MAP3K7CL: variants seen among roughly 807,000 people sequenced by gnomAD.
MAP3K7CL encodes the protein MAP3K7 C-terminal like.
MAP3K7CL carries 16 observed loss-of-function variants against 18.6 expected under a neutral mutation model. The ratio of observed to expected loss-of-function variants is 0.86; its 90% confidence interval spans 0.58 to 1.31. The LOEUF (loss-of-function observed/expected upper bound fraction) is 1.31. Ranked by LOEUF, MAP3K7CL falls within the 50% of genes most tolerant of loss-of-function variation. The pLI is 0.00. For synonymous variants in MAP3K7CL, 65 were observed against 66.8 expected, an observed-to-expected ratio of 0.97 and a Z score of 0.13; for missense variants, 163 against 174.4, an observed-to-expected ratio of 0.93 and a Z score of 0.37.
At chr21:29,166,085 G>C (rs566586984) in intron 4 of MAP3K7CL, among the ~76,000 whole-genome samples, 39 of 152,260 alleles carry the variant, frequency 2.6e-4, no homozygotes, top group African/African-American at 9.4e-4. Context: ...TACTGTGCAG[G>C]AGAACACCAG....
chr21:29,130,652 C>T lies in MAP3K7CL; in HGVS notation c.-311C>T. 3.0e-6 allele frequency: 3 copies of T among 985,432 alleles called. No homozygotes were observed. Among genetic ancestry groups the T allele is most frequent in the Non-Finnish European group, 2.4e-6 (2 of 829,970 alleles). 61.0% of individuals were successfully genotyped at this position (985,432 alleles called of 1,614,324 possible). On this transcript the variant is annotated 5_prime_UTR_variant, in exon 1 of 5. Coordinates refer to ENST00000399928, the MANE Select transcript of MAP3K7CL (RefSeq NM_001286620.2). Reference sequence around the variant, plus strand: ...GCTTTTTCTAGAAAGATGACAACATCCTGGCTGTTAGAGAGGCAAGGAAAG... The same window carrying T: ...GCTTTTTCTAGAAAGATGACAACATTCTGGCTGTTAGAGAGGCAAGGAAAG...
chr21:29,169,880 G>T (rs1260747984), intron 4 of MAP3K7CL, among the ~76,000 whole-genome samples: 1 of 152,162 alleles, frequency 6.6e-6, no homozygotes, highest in Non-Finnish European at 1.5e-5. Context: ...ATGAGCTATG[G>T]TGGACTCCAA....
Position 29,134,174 on chromosome 21 carries a change from A to ACTCT in MAP3K7CL, c.70+773_70+776dup, listed in dbSNP as rs34368831. The stretch of plus-strand genomic sequence containing the variant: ...CATTTAAACCTTGGGTCTTTTGAGG[A>ACTCT]CTCTCTCTCTCTCTCTTGCTATAAT... On this transcript the variant is annotated intron_variant, in intron 2 of 4. Coordinates refer to ENST00000399928, the MANE Select transcript of MAP3K7CL (RefSeq NM_001286620.2). Among the ~76,000 whole-genome samples the ACTCT allele has an allele frequency of 4.0e-5, 6 of 150,718 alleles. No individual in the cohort carries two copies. The South Asian group carries it at 8.4e-4, about 21-fold the overall frequency.
Position 29,090,251 on chromosome 21 carries a change from A to G in MAP3K7CL, c.58-1250A>G, listed in dbSNP as rs1242623484. 5.3e-5 allele frequency among the ~76,000 whole-genome samples: 8 copies of G among 152,212 alleles called. 1 individual carries two copies. The highest frequency in any genetic ancestry group is 2.0e-4 in the Admixed American group (3 of 15,282). On this transcript the variant is annotated intron_variant, in intron 1 of 6. Transcript: ENST00000286791. ...AAAAGAGGACACAATGTTTTATAAG[A>G]TTAAAAGAGATTATTCAATGAAAGA...
intron 3 of MAP3K7CL, among the ~76,000 whole-genome samples, 198 bp from the exon 4 acceptor site, chr21:29,159,743 C>T (rs954194613): frequency 5.3e-5 from 8 of 151,912 alleles, no homozygotes; most frequent in Admixed American, 2.0e-4. Flanking sequence ...AATGTGGAGA[C>T]TATCTGTCCA....
At chr21:29,108,898 A>G (rs995242845) in intron 4 of MAP3K7CL, 1 of 697,576 alleles carries the variant, frequency 1.4e-6, no homozygotes, top group Non-Finnish European at 2.3e-6. Flanking sequence ...GTGTTCAGTC[A>G]GCTCCAATGG....
chr21:29,097,011 G>A (rs2086134582), intron 4 of MAP3K7CL, among the ~76,000 whole-genome samples: 1 of 152,168 alleles, frequency 6.6e-6, no homozygotes, highest in Non-Finnish European at 1.5e-5. Context: ...AACTCTGATA[G>A]GAACTTGGAA....
intron 1 of MAP3K7CL, among the ~76,000 whole-genome samples, chr21:29,088,357 A>G (rs935185877): frequency 2.0e-5 from 3 of 152,252 alleles, no homozygotes; most frequent in Admixed American, 1.3e-4. Flanking sequence ...ATTTTAAAAT[A>G]TATAATCTGT....
chr21:29,092,981 G>A (rs1046402241), intron 4 of MAP3K7CL, among the ~76,000 whole-genome samples: 32 of 152,146 alleles, frequency 2.1e-4, no homozygotes, highest in African/African-American at 7.5e-4. Context: ...TCAGCTCACT[G>A]CCACCTCCAC....
intron 1 of MAP3K7CL, among the ~76,000 whole-genome samples, chr21:29,077,916 G>A (rs1014377847): frequency 5.9e-5 from 9 of 152,348 alleles, no homozygotes; most frequent in Admixed American, 3.3e-4. Context: ...GCTAAAAGCC[G>A]TGAGGATTGG....
At chr21:29,147,736 T>C (rs2087168950) in intron 2 of MAP3K7CL, among the ~76,000 whole-genome samples, 1 of 151,880 alleles carries the variant, frequency 6.6e-6, no homozygotes, top group Admixed American at 6.6e-5. Flanking sequence ...GTATGTGTAC[T>C]GTGTATGTAT....
At chr21:29,092,397 T>A in intron 3 of MAP3K7CL, 1 of 1,610,658 alleles carries the variant, frequency 6.2e-7, no homozygotes, top group Non-Finnish European at 8.5e-7. Flanking sequence ...GCGGGGTCAT[T>A]TGTCTCATCA....
intron 3 of MAP3K7CL, among the ~76,000 whole-genome samples, chr21:29,150,622 CCT>C (rs1228072237): frequency 2.0e-5 from 3 of 152,096 alleles, no homozygotes; most frequent in Admixed American, 2.0e-4. Flanking sequence ...ATCACGTCTC[CCT>C]CTTTTTTCTA....
chr21:29,146,594 G>T (rs1463674182), intron 2 of MAP3K7CL, among the ~76,000 whole-genome samples: 1 of 152,156 alleles, frequency 6.6e-6, no homozygotes, highest in East Asian at 1.9e-4. Flanking sequence ...TCTGAAGACT[G>T]TCCTCTAACC....
At chr21:29,139,182 C>T (rs2086948688) in intron 2 of MAP3K7CL, 1 of 152,160 alleles carries the variant, frequency 6.6e-6, no homozygotes, top group South Asian at 2.1e-4. Flanking sequence ...TCCAATGCAA[C>T]AAGTTGGGTG....
At chr21:29,171,947 C>T (rs2087843134) in intron 4 of MAP3K7CL, among the ~76,000 whole-genome samples, 1 of 151,530 alleles carries the variant, frequency 6.6e-6, no homozygotes, top group Non-Finnish European at 1.5e-5. Context: ...CACACATATA[C>T]ATATATACAT....
intron 2 of MAP3K7CL, among the ~76,000 whole-genome samples, chr21:29,139,895 C>CTTTTT (rs5843369): frequency 5.9e-5 from 4 of 67,362 alleles, no homozygotes; most frequent in Admixed American, 2.1e-4. Context: ...CCATCTCTGG[C>CTTTTT]TTTTTTTTTT....
chr21:29,126,527 T>G (rs1208921019), upstream of MAP3K7CL, among the ~76,000 whole-genome samples: 4 of 152,166 alleles, frequency 2.6e-5, no homozygotes, highest in Non-Finnish European at 5.9e-5. Flanking sequence ...GGTGTGGTCT[T>G]GGCTCACTGC....
intron 2 of MAP3K7CL, among the ~76,000 whole-genome samples, chr21:29,134,968 G>A (rs1342584599): frequency 6.6e-6 from 1 of 151,848 alleles, no homozygotes; most frequent in Non-Finnish European, 1.5e-5. Context: ...GGAGAATGGT[G>A]TGAACCTGGG....
Sources: allele counts gnomAD v4.1 joint callset (sites outside exome capture counted in the v4.1 genomes callset), GRCh38; gene constraint gnomAD v4.1.1; transcripts MANE v1.5; gene names NCBI Gene and HGNC (gene_info 2026-07-23, HGNC 2026-07-21).